TAFA1: variants seen among roughly 807,000 people sequenced by gnomAD.
TAFA1 encodes chemokine-like protein TAFA-1.
TAFA1 carries 4 observed loss-of-function variants against 18.5 expected under a neutral mutation model. The ratio of observed to expected loss-of-function variants is 0.22; its 90% confidence interval spans 0.11 to 0.49. TAFA1 has a LOEUF of 0.49. TAFA1 is among the 20% of genes least tolerant of loss of function. TAFA1 has a pLI of 0.98. For missense variants in TAFA1, 147 were observed against 169.0 expected (o/e 0.87, Z 0.72); for synonymous variants, 56 against 55.2 (o/e 1.01, Z -0.06).
At position 68,209,176 on chromosome 3, in the gene TAFA1, C is replaced by G. The variant is rs73834898; in HGVS notation, c.118+202432C>G. Among the ~76,000 whole-genome samples the G allele has an allele frequency of 9.3e-3, 1,408 of 152,118 alleles. 17 individuals are homozygous for G. The highest frequency in any genetic ancestry group is 0.03 in the African/African-American group (1,248 of 41,544). ...CTTCACTTAGTCAGTCAAGCCTCCA[C>G]ATGAGAACACAGCCAGCTGACAGAT... On this transcript the variant is annotated intron_variant, in intron 2 of 4. Coordinates refer to ENST00000478136, the MANE Select transcript of TAFA1 (RefSeq NM_213609.4).
chr3:68,440,355 T>C lies in TAFA1; in HGVS notation c.259+22935T>C, dbSNP rs1357000878. Among the ~76,000 whole-genome samples the C allele has an allele frequency of 2.0e-5, 3 of 152,314 alleles. No homozygotes were observed. The East Asian group carries it at 5.8e-4, about 29-fold the overall frequency. On this transcript the variant is annotated intron_variant, in intron 3 of 4. Transcript: ENST00000478136. Reference sequence around the variant, plus strand: ...AATTGCCCAATCTTGGATATGTCTTTATCAGCAGCATGAAAATGGACTAAT... The same window carrying C: ...AATTGCCCAATCTTGGATATGTCTTCATCAGCAGCATGAAAATGGACTAAT...
At chr3:68,067,733 C>A (rs575162770) in intron 2 of TAFA1, among the ~76,000 whole-genome samples, 1 of 152,186 alleles carries the variant, frequency 6.6e-6, no homozygotes, top group East Asian at 1.9e-4. Context: ...TTTTTCCTTT[C>A]CTTTCCTTCC....
rs373141319 is a variant in TAFA1 at position 68,076,441 on chromosome 3, A to G, written c.118+69697A>G. On this transcript the variant is annotated intron_variant, in intron 2 of 4. Coordinates refer to ENST00000478136, the MANE Select transcript of TAFA1 (RefSeq NM_213609.4). ...CATCTAGCATTAGGTATATCTCCCA[A>G]TGCTATCCCTCCCCCCTCCCCCCAC... is the stretch of plus-strand genomic sequence containing the variant. Among the ~76,000 whole-genome samples the G allele has an allele frequency of 6.2e-5, 9 of 144,980 alleles. No individual in the cohort carries two copies. The South Asian group carries it at 1.7e-3, about 27-fold the overall frequency.
intron 2 of TAFA1, among the ~76,000 whole-genome samples, chr3:68,057,652 G>T (rs1169483189): frequency 6.6e-6 from 1 of 152,198 alleles, no homozygotes; most frequent in African/African-American, 2.4e-5. Context: ...AAGGGACTTT[G>T]CAGGTGTTTT....
intron 2 of TAFA1, among the ~76,000 whole-genome samples, chr3:68,308,013 A>G (rs1246366468): frequency 6.6e-6 from 1 of 152,198 alleles, no homozygotes; most frequent in Non-Finnish European, 1.5e-5. Flanking sequence ...AGTGTTGAAT[A>G]AATATGTGTA....
At chr3:68,401,698 G>C (rs1208705255) in intron 2 of TAFA1, among the ~76,000 whole-genome samples, 1 of 152,172 alleles carries the variant, frequency 6.6e-6, no homozygotes. Flanking sequence ...GCTTGGACCA[G>C]GTACCAGCCC....
intron 2 of TAFA1, among the ~76,000 whole-genome samples, chr3:68,324,118 A>T (rs1406902840): frequency 6.6e-6 from 1 of 152,184 alleles, no homozygotes; most frequent in Non-Finnish European, 1.5e-5. Context: ...GCCATGACAA[A>T]GCTTTTGCCA....
At chr3:68,159,211 C>A (rs1007948544) in intron 2 of TAFA1, among the ~76,000 whole-genome samples, 3 of 152,140 alleles carry the variant, frequency 2.0e-5, no homozygotes, top group African/African-American at 7.2e-5. Context: ...GGGTGAGGAG[C>A]CCCATTCTGA....
At chr3:68,051,827 C>T (rs1183773127) in intron 2 of TAFA1, among the ~76,000 whole-genome samples, 1 of 151,908 alleles carries the variant, frequency 6.6e-6, no homozygotes, top group Non-Finnish European at 1.5e-5. Flanking sequence ...TTAAAAAATA[C>T]ACCAGGTAGC....
intron 3 of TAFA1, among the ~76,000 whole-genome samples, chr3:68,504,652 A>C (rs1188712060): frequency 1.3e-5 from 2 of 152,060 alleles, no homozygotes; most frequent in African/African-American, 4.8e-5. Flanking sequence ...TACCAAATCA[A>C]AATTGTACCT....
At chr3:68,383,493 G>T (rs550695477) in intron 2 of TAFA1, among the ~76,000 whole-genome samples, 1 of 151,920 alleles carries the variant, frequency 6.6e-6, no homozygotes, top group Non-Finnish European at 1.5e-5. Flanking sequence ...TTATTTTTTT[G>T]TGTCTGTTGA....
intron 2 of TAFA1, among the ~76,000 whole-genome samples, chr3:68,239,550 AC>A (rs1465713039): frequency 6.6e-6 from 1 of 152,122 alleles, no homozygotes; most frequent in Non-Finnish European, 1.5e-5. Flanking sequence ...CCAGCCCCAA[AC>A]AAAAACAGTC....
At chr3:68,447,433 A>G (rs561084522) in intron 3 of TAFA1, among the ~76,000 whole-genome samples, 4 of 152,258 alleles carry the variant, frequency 2.6e-5, no homozygotes, top group East Asian at 1.9e-4. Context: ...TGATAACTCA[A>G]TTCATCCACT....
intron 3 of TAFA1, among the ~76,000 whole-genome samples, chr3:68,523,654 A>G (rs570567780): frequency 6.6e-6 from 1 of 152,350 alleles, no homozygotes; most frequent in Admixed American, 6.5e-5. Context: ...AACACTCTTA[A>G]TAACTATTCA....
chr3:68,345,847 A>T (rs2069156014), intron 2 of TAFA1, among the ~76,000 whole-genome samples: 1 of 152,178 alleles, frequency 6.6e-6, no homozygotes, highest in South Asian at 2.1e-4. Flanking sequence ...GGATGAAAAG[A>T]TATACTGAGG....
intron 2 of TAFA1, among the ~76,000 whole-genome samples, chr3:68,096,631 C>T (rs186130228): frequency 1.3e-3 from 205 of 152,264 alleles, no homozygotes; most frequent in Non-Finnish European, 2.3e-3. Context: ...CAAAGTCAGA[C>T]AGCTTGTATT....
Position 68,195,116 on chromosome 3 carries a change from C to G in TAFA1, c.118+188372C>G, listed in dbSNP as rs571453377. The stretch of plus-strand genomic sequence containing the variant: ...ATGCTTGAAGAGGTTGTGACTATAG[C>G]CTTAAATAGCCCAGAGCATTTGGAA... On this transcript the variant is annotated intron_variant, in intron 2 of 4. Coordinates refer to ENST00000478136, the MANE Select transcript of TAFA1 (RefSeq NM_213609.4). Among the ~76,000 whole-genome samples the G allele has an allele frequency of 2.7e-4, 41 of 151,420 alleles. No individual in the cohort carries two copies. The South Asian group carries it at 4.8e-3, about 18-fold the overall frequency.
rs368071200 is a variant in TAFA1 at position 68,489,391 on chromosome 3, T to C, written c.260-49365T>C. ...CATATTTTGATATGAAATTTTTTCA[T>C]TATTAAATGTTTAAAGCTAATTTAA... On this transcript the variant is annotated intron_variant, in intron 3 of 4. Coordinates refer to ENST00000478136, the MANE Select transcript of TAFA1 (RefSeq NM_213609.4). 1.3e-4 allele frequency among the ~76,000 whole-genome samples: 20 copies of C among 152,330 alleles called. No individual in the cohort carries two copies. In the East Asian group the frequency reaches 3.9e-3, roughly 29 times the overall value.
At chr3:68,229,656 C>T (rs995041116) in intron 2 of TAFA1, among the ~76,000 whole-genome samples, 4 of 152,036 alleles carry the variant, frequency 2.6e-5, no homozygotes, top group African/African-American at 4.8e-5. Context: ...ATTACTTTTT[C>T]GTAGGTGGGA....
Sources: allele counts gnomAD v4.1 joint callset (sites outside exome capture counted in the v4.1 genomes callset), GRCh38; gene constraint gnomAD v4.1.1; transcripts MANE v1.5; gene names NCBI Gene and HGNC (gene_info 2026-07-23, HGNC 2026-07-21).